Variants in GLUD1 observed in about 807,000 individuals in gnomAD.
GLUD1 encodes the protein glutamate dehydrogenase 1, also known as glutamate dehydrogenase 1, mitochondrial.
GLUD1 carries 22 observed loss-of-function variants against 56.0 expected under a neutral mutation model. That is an observed-to-expected ratio of 0.39 (90% confidence interval 0.28 to 0.56). GLUD1 has a LOEUF of 0.56. Among genes scored for constraint, GLUD1 ranks in the 20% least tolerant of loss-of-function variants. The pLI is 0.58. For missense variants in GLUD1, 451 were observed against 732.0 expected, an observed-to-expected ratio of 0.62 and a Z score of 4.43; for synonymous variants, 223 against 269.9, an observed-to-expected ratio of 0.83 and a Z score of 1.70.
intron 4 of GLUD1, among the ~76,000 whole-genome samples, chr10:87,072,492 G>A (rs1425357133): frequency 6.6e-6 from 1 of 152,132 alleles, no homozygotes. Flanking sequence ...CAAATTTGAA[G>A]GTTTGCCGAG....
chr10:87,081,007 C>G (rs1442369258), intron 1 of GLUD1, among the ~76,000 whole-genome samples: 1 of 128,538 alleles, frequency 7.8e-6, no homozygotes. Flanking sequence ...CCGCCCCGTC[C>G]GGGAGGGAGG....
chr10:87,055,991 C>A (rs1845761358), intron 11 of GLUD1, among the ~76,000 whole-genome samples: 1 of 151,278 alleles, frequency 6.6e-6, no homozygotes, highest in South Asian at 2.1e-4. Context: ...TGGCGGGCGC[C>A]TGTAATCCCA....
intron 9 of GLUD1, 100 bp downstream of exon 9, chr10:87,060,061 G>C (rs1235081658): frequency 2.5e-6 from 2 of 806,452 alleles, no homozygotes; most frequent in African/African-American, 1.7e-5. Context: ...GAATTCACTA[G>C]AGCTTGGAGA....
chr10:87,071,790 AG>A (rs1846245439), intron 4 of GLUD1, among the ~76,000 whole-genome samples: 1 of 152,244 alleles, frequency 6.6e-6, no homozygotes, highest in East Asian at 1.9e-4. Flanking sequence ...GACTAGACAA[AG>A]ACATCATAAG....
Position 87,060,845 on chromosome 10 carries a change from AC to A in GLUD1, c.1060-21del. The A allele has an allele frequency of 6.2e-7, 1 of 1,614,186 alleles. No individual in the cohort carries two copies. On this transcript the variant is annotated intron_variant, in intron 7 of 12. Transcript: ENST00000277865. ...ATGTTGCTGCCATTGATTGAAAATC[AC>A]AATTAATAGCTGCACCAGAGTTTTA...
intron 10 of GLUD1, among the ~76,000 whole-genome samples, chr10:87,058,896 A>C (rs1845858875): frequency 6.6e-6 from 1 of 152,206 alleles, no homozygotes; most frequent in Non-Finnish European, 1.5e-5. Context: ...CTCTCAAAAA[A>C]AGAAAAAAAA....
In GLUD1 at chr10:87,094,649, G is replaced by A; in HGVS notation, c.121C>T (p.Pro41Ser). 1 of 1,597,768 alleles carries A rather than the reference G, an allele frequency of 6.3e-7. No individual in the cohort carries two copies. Among genetic ancestry groups the A allele is most frequent in the Non-Finnish European group, 8.5e-7 (1 of 1,173,106 alleles). ...GWARGQPAAA[P>S]QPGLALAARR... ...GCGGCCAATGCCAGCCCCGGCTGCGGGGCGGCGGCGGGCTGTCCCCGGGCC... is the reference window on the plus strand; with the variant it reads ...GCGGCCAATGCCAGCCCCGGCTGCGAGGCGGCGGCGGGCTGTCCCCGGGCC... Residue 41 changes from proline (P) to serine (S), a missense_variant, in exon 1 of 13, where the codon CCG becomes TCG. Coordinates refer to ENST00000277865, the MANE Select transcript of GLUD1 (RefSeq NM_005271.5). The surrounding 1 kb of genome is among the most constrained non-coding windows in gnomAD (Gnocchi z 6.6).
At chr10:87,083,160 C>T (rs1418367333) in intron 1 of GLUD1, among the ~76,000 whole-genome samples, 1 of 150,606 alleles carries the variant, frequency 6.6e-6, no homozygotes, top group African/African-American at 2.5e-5. Flanking sequence ...TTACAGAGAG[C>T]TGAGATTGTA....
intron 4 of GLUD1, among the ~76,000 whole-genome samples, chr10:87,072,927 T>C (rs778841028): frequency 5.9e-5 from 9 of 152,238 alleles, no homozygotes; most frequent in Admixed American, 1.3e-4. Context: ...AGTTAACTCA[T>C]ATTAACTTAC....
At chr10:87,064,004 G>A (rs570485811) in intron 5 of GLUD1, among the ~76,000 whole-genome samples, 5 of 151,902 alleles carry the variant, frequency 3.3e-5, no homozygotes, top group African/African-American at 7.3e-5. Context: ...TCAGCCTCCC[G>A]ATAGCTGGGA....
rs1443195195 is a variant in GLUD1, at chr10:87,084,281, A to G, written c.446-7625T>C. On this transcript the variant is annotated intron_variant, in intron 1 of 12. Coordinates refer to ENST00000277865, the MANE Select transcript of GLUD1 (RefSeq NM_005271.5). Reference sequence around the variant, plus strand: ...GTTAACTGGTATCCAGATGTTTCCAAAGAATATTAGTGAAATGCAGACATC... The same window carrying G: ...GTTAACTGGTATCCAGATGTTTCCAGAGAATATTAGTGAAATGCAGACATC... 2.6e-5 allele frequency among the ~76,000 whole-genome samples: 4 copies of G among 152,386 alleles called. No individual in the cohort carries two copies. The East Asian group carries it at 7.7e-4, about 29-fold the overall frequency.
chr10:87,052,019 C>T (rs1227623334), intron 12 of GLUD1, 149 bp from the exon 13 acceptor site: 1 of 883,668 alleles, frequency 1.1e-6, no homozygotes, highest in African/African-American at 1.6e-5. Flanking sequence ...ACTCTAGCAG[C>T]AGAACCTCTA....
intron 1 of GLUD1, chr10:87,092,622 T>G: frequency 1.0e-6 from 1 of 982,528 alleles, no homozygotes; most frequent in Non-Finnish European, 1.2e-6. Context: ...TTTGCGGAGC[T>G]GCGACTTATA....
At chr10:87,072,138 T>C (rs1846256016) in intron 4 of GLUD1, among the ~76,000 whole-genome samples, 1 of 152,120 alleles carries the variant, frequency 6.6e-6, no homozygotes, top group Non-Finnish European at 1.5e-5. Flanking sequence ...CTAGGCACAG[T>C]TGCACACCCC....
At chr10:87,061,302 A>G in intron 6 of GLUD1, 9 of 602,742 alleles carry the variant, frequency 1.5e-5, no homozygotes, top group Non-Finnish European at 2.8e-5. Context: ...CAGGTGGATC[A>G]CTTGAGGTCA....
chr10:87,059,154 C>A lies in GLUD1; in HGVS notation c.1398G>T (p.Leu466Phe). Reference protein sequence around the residue: ...FKYERDSNYHLLMSVQESLER... With the variant: ...FKYERDSNYHFLMSVQESLER... The stretch of plus-strand genomic sequence containing the variant: ...AACAAGATTATCGATACTCACTGAG[C>A]AAGTGGTAGTTAGAATCCCTTTCAT... The change falls in exon 10 of 13, where the codon TTG becomes TTT. Residue 466 changes from leucine (L) to phenylalanine (F), a missense_variant. Around this residue, in one of 4 missense-constraint regions of GLUD1, gnomAD observed 248 missense variants for 460.0 expected, o/e 0.54. Transcript: ENST00000277865. 1 of 1,612,696 alleles carries A rather than the reference C, an allele frequency of 6.2e-7. No homozygotes were observed. Among genetic ancestry groups the A allele is most frequent in the South Asian group, 1.1e-5 (1 of 91,014 alleles).
chr10:87,081,223 C>T (rs1841240037), intron 1 of GLUD1, among the ~76,000 whole-genome samples: 1 of 146,636 alleles, frequency 6.8e-6, no homozygotes, highest in African/African-American at 2.6e-5. Flanking sequence ...CCCGGCCAGC[C>T]GCCTCTTCTG....
chr10:87,072,195 C>T (rs1450795037), intron 4 of GLUD1, among the ~76,000 whole-genome samples: 1 of 152,142 alleles, frequency 6.6e-6, no homozygotes, highest in Non-Finnish European at 1.5e-5. Context: ...ATTGCTTGAG[C>T]CCAGGAGGTC....
At chr10:87,060,432 T>C in intron 8 of GLUD1, 191 bp from the exon 9 acceptor site, 1 of 667,420 alleles carries the variant, frequency 1.5e-6, no homozygotes, top group Non-Finnish European at 2.6e-6. Context: ...ATCTAGGTTT[T>C]TTTTTTGTTT....
Sources: allele counts gnomAD v4.1 joint callset (sites outside exome capture counted in the v4.1 genomes callset), GRCh38; gene constraint gnomAD v4.1.1; regional missense constraint gnomAD v4.1.1; non-coding constraint Gnocchi (gnomAD v3.1); transcripts MANE v1.5; gene names NCBI Gene and HGNC (gene_info 2026-07-23, HGNC 2026-07-21).